DHX34: variants seen among roughly 807,000 people sequenced by gnomAD.
DHX34 encodes the protein probable ATP-dependent RNA helicase DHX34.
DHX34 carries 96 observed loss-of-function variants against 111.1 expected under a neutral mutation model. The observed-to-expected ratio is 0.86, with a 90% CI of 0.73 to 1.02. DHX34 has a LOEUF of 1.02. Among genes scored for constraint, DHX34 ranks in the 50% least tolerant of loss-of-function variants. DHX34 has a pLI of 0.00. For synonymous variants in DHX34, 688 were observed against 670.4 expected, an observed-to-expected ratio of 1.03 and a Z score of -0.41; for missense variants, 1,560 against 1,579.9, an observed-to-expected ratio of 0.99 and a Z score of 0.21.
intron 6 of DHX34, among the ~76,000 whole-genome samples, chr19:47,365,553 A>G (rs1969765271): frequency 6.6e-6 from 1 of 152,144 alleles, no homozygotes. Flanking sequence ...CGCCCGGCCT[A>G]TAAAGGTTTT....
At chr19:47,373,088 T>G (rs1568403532) in intron 8 of DHX34, among the ~76,000 whole-genome samples, 165 bp downstream of exon 8, 1 of 152,210 alleles carries the variant, frequency 6.6e-6, no homozygotes. Flanking sequence ...CCATCATCCA[T>G]GCTTTCGGCT....
At chr19:47,362,990 G>A (rs2017380) in intron 6 of DHX34, among the ~76,000 whole-genome samples, 21,209 of 151,764 alleles carry the variant, frequency 0.14, 1,989 homozygotes, top group Non-Finnish European at 0.2. Flanking sequence ...TCCCTCTGTC[G>A]CCCATGCTGG....
chr19:47,353,222 T>G lies in DHX34; in HGVS notation c.192T>G (p.Phe64Leu). Residue 64 changes from phenylalanine to leucine, a missense_variant, in exon 2 of 17, where the codon TTT becomes TTG. Transcript: ENST00000328771. This position sits in a 1 kb window ranked among gnomAD's most constrained non-coding sequence, Gnocchi z 4.6. The part of the protein sequence containing the change: ...SEECQKFWTF[F>L]ERLQRFQNLK... The stretch of plus-strand genomic sequence containing the variant: ...AATGTCAGAAGTTTTGGACCTTCTT[T>G]GAACGCCTGCAGAGATTCCAGAATC... 1 of 1,614,184 alleles carries G rather than the reference T, an allele frequency of 6.2e-7. No homozygotes were observed. The highest frequency in any genetic ancestry group is 8.5e-7 in the Non-Finnish European group (1 of 1,180,028).
chr19:47,358,758 G>T (rs1363736596), intron 4 of DHX34, among the ~76,000 whole-genome samples: 1 of 152,128 alleles, frequency 6.6e-6, no homozygotes, highest in Non-Finnish European at 1.5e-5. Context: ...GGGACTACAG[G>T]CACCCGCCAC....
chr19:47,377,207 G>A lies in DHX34; in HGVS notation c.2706+1G>A, dbSNP rs1376293212. 8 of 1,611,926 alleles carry A rather than the reference G, an allele frequency of 5.0e-6. No homozygotes were observed. The highest frequency in any genetic ancestry group is 6.8e-6 in the Non-Finnish European group (8 of 1,179,130). On this transcript the variant is annotated splice_donor_variant, in intron 13 of 16. Transcript: ENST00000328771. LOFTEE classifies it high-confidence loss of function. The stretch of plus-strand genomic sequence containing the variant: ...CTGCGTCCGCATCCCTGCCCTCCAG[G>A]TGGGCCTCTGCCCCACCCCGCCCCC...
intron 9 of DHX34, 129 bp from the exon 10 acceptor site, chr19:47,375,337 C>T: frequency 2.1e-6 from 3 of 1,423,180 alleles, no homozygotes; most frequent in Non-Finnish European, 1.8e-6. Context: ...TGCCCAGCAC[C>T]ATGCGAGGGG....
intron 9 of DHX34, 90 bp downstream of exon 9, chr19:47,373,790 T>C: frequency 6.7e-7 from 1 of 1,486,182 alleles, no homozygotes; most frequent in Non-Finnish European, 9.1e-7. Context: ...TCCCAGACAG[T>C]GGTCAGACCA....
intron 13 of DHX34, among the ~76,000 whole-genome samples, chr19:47,377,557 T>A (rs1360012577): frequency 8.2e-6 from 1 of 122,498 alleles, no homozygotes; most frequent in Admixed American, 8.1e-5. Flanking sequence ...GGACACAGGG[T>A]GTGGTACAAG....
chr19:47,379,174 G>A (rs1970268558), intron 13 of DHX34, among the ~76,000 whole-genome samples: 2 of 151,698 alleles, frequency 1.3e-5, no homozygotes, highest in South Asian at 2.1e-4. Flanking sequence ...AGAAGAAGAT[G>A]GAGAAACTTC....
At position 47,382,065 on chromosome 19, in the gene DHX34, C is replaced by T. The variant is rs1240069579; in HGVS notation, c.3384C>T (p.Phe1128=). 6.2e-7 allele frequency: 1 copy of T among 1,614,124 alleles called. No homozygotes were observed. Among genetic ancestry groups the T allele is most frequent in the Non-Finnish European group, 8.5e-7 (1 of 1,180,006 alleles). ...PYHCEACGKD[F]LFTPTEVLRH... ...ACTGCGAGGCCTGCGGGAAGGACTTCCTCTTTACACCCACAGAGGTGCTGC... is the reference window on the plus strand; with the variant it reads ...ACTGCGAGGCCTGCGGGAAGGACTTTCTCTTTACACCCACAGAGGTGCTGC... The change falls in exon 17 of 17, where the codon TTC becomes TTT. Residue 1128 remains phenylalanine (F), a synonymous_variant. Transcript: ENST00000328771.
At position 47,373,579 on chromosome 19, in the gene DHX34, G is replaced by A. The variant is rs1196505504; in HGVS notation, c.1963-20G>A. On this transcript the variant is annotated intron_variant, in intron 8 of 16. Coordinates refer to ENST00000328771, the MANE Select transcript of DHX34 (RefSeq NM_014681.6). ...GCACTGGCCAGGCCCTGACACCCTG[G>A]CGTCTGCTCCTCCACCCAGGTGAAA... 1 of 1,609,532 alleles carries A rather than the reference G, an allele frequency of 6.2e-7. No homozygotes were observed. Among genetic ancestry groups the A allele is most frequent in the East Asian group, 2.2e-5 (1 of 44,630 alleles).
In DHX34 at chr19:47,367,552, A is replaced by G. The variant is rs112825409; in HGVS notation, c.1768+397A>G. Among the ~76,000 whole-genome samples the G allele has an allele frequency of 3.1e-3, 467 of 152,254 alleles. 3 individuals carry two copies. Among genetic ancestry groups the G allele is most frequent in the African/African-American group, 0.01 (421 of 41,544 alleles). ...ACATCTGTGCAGAGAAATGGAGATGAGGGCTAGGAGCCATGCAAATACTAG... is the reference window on the plus strand; with the variant it reads ...ACATCTGTGCAGAGAAATGGAGATGGGGGCTAGGAGCCATGCAAATACTAG... On this transcript the variant is annotated intron_variant, in intron 7 of 16. Transcript: ENST00000328771.
Position 47,375,728 on chromosome 19 carries a change from G to A in DHX34, c.2307+20G>A, listed in dbSNP as rs1446607944. The A allele has an allele frequency of 2.6e-6, 4 of 1,557,946 alleles. No individual in the cohort carries two copies. Among genetic ancestry groups the A allele is most frequent in the Admixed American group, 2.1e-5 (1 of 48,682 alleles). On this transcript the variant is annotated intron_variant, in intron 10 of 16. Coordinates refer to ENST00000328771, the MANE Select transcript of DHX34 (RefSeq NM_014681.6). Reference sequence around the variant, plus strand: ...ATCCAGGTGGGCGCCATGGGCTGTGGGGTGTGGGGGTTTACCAAGGTGGGC... The same window carrying A: ...ATCCAGGTGGGCGCCATGGGCTGTGAGGTGTGGGGGTTTACCAAGGTGGGC...
chr19:47,364,975 TTC>T (rs1233961743), intron 6 of DHX34, among the ~76,000 whole-genome samples: 2 of 152,092 alleles, frequency 1.3e-5, no homozygotes, highest in Non-Finnish European at 2.9e-5. Context: ...GGAACTGCCC[TTC>T]TCTGTGGGTC....
chr19:47,371,559 C>A (rs1209804413), intron 7 of DHX34, among the ~76,000 whole-genome samples: 1 of 152,152 alleles, frequency 6.6e-6, no homozygotes, highest in African/African-American at 2.4e-5. Context: ...AGCCCCAAGC[C>A]CTGCTTTACT....
rs1282044340 is a variant in DHX34 at position 47,359,776 on chromosome 19, C to T, written c.1273-192C>T. On this transcript the variant is annotated intron_variant, in intron 4 of 16. Transcript: ENST00000328771. ...CAGCCTGGGCGACAGAGCAAGACTC[C>T]GTCTGAGGGTGGGGGAGGGCCCAGG... 7.8e-6 allele frequency: 7 copies of T among 898,778 alleles called. No individual in the cohort carries two copies. In the East Asian group the frequency reaches 3.6e-4, roughly 46 times the overall value. The allele number at this position is 898,778 out of a possible 1,614,324, so 55.7% of individuals were successfully genotyped here.
rs1969418486 is a variant in DHX34 at position 47,355,189 on chromosome 19, C to T, written c.856C>T (p.Leu286Phe). 6.2e-7 allele frequency: 1 copy of T among 1,614,230 alleles called. No individual in the cohort carries two copies. Among genetic ancestry groups the T allele is most frequent in the Non-Finnish European group, 8.5e-7 (1 of 1,180,046 alleles). ...TGTGGATGAAGTCCATGAGCGGCAT[C>T]TCCACAACGATTTCCTCCTGGGCGT... ...LIVDEVHERHLHNDFLLGVLQ... is the reference protein window; with the variant it reads ...LIVDEVHERHFHNDFLLGVLQ... The change falls in exon 3 of 17, where the codon CTC becomes TTC. Residue 286 changes from leucine (L) to phenylalanine (F), a missense_variant. Coordinates refer to ENST00000328771, the MANE Select transcript of DHX34 (RefSeq NM_014681.6).
Position 47,372,885 on chromosome 19 carries a change from C to T in DHX34, c.1924C>T (p.Pro642Ser). 6.2e-7 allele frequency: 1 copy of T among 1,608,554 alleles called. No homozygotes were observed. Among genetic ancestry groups the T allele is most frequent in the African/African-American group, 1.3e-5 (1 of 75,024 alleles). ...RRPLESDQGD[P>S]FTLFNVFNAW... ...GCCGCTGGAGAGCGACCAGGGTGAC[C>T]CCTTCACGCTCTTCAACGTCTTCAA... The change falls in exon 8 of 17, where the codon CCC (proline) becomes TCC (serine). Residue 642 changes from proline (P) to serine (S), a missense_variant. Physicochemically the swap from Pro to Ser is moderately conservative, Grantham distance 74. Transcript: ENST00000328771.
intron 16 of DHX34, chr19:47,381,753 A>C (rs1568410186): frequency 1.4e-6 from 1 of 725,484 alleles, no homozygotes; most frequent in Non-Finnish European, 1.7e-6. Context: ...CTCAGTCTCC[A>C]TGTCTCTCCT....
Sources: gnomAD v4.1 joint callset for allele counts (sites outside exome capture counted in the v4.1 genomes callset) on GRCh38, gnomAD v4.1.1 for gene constraint, Gnocchi (gnomAD v3.1) non-coding constraint, MANE v1.5 for transcripts, NCBI Gene and HGNC (gene_info 2026-07-23, HGNC 2026-07-21) for gene names.